Variants in FANCD2 observed in about 807,000 individuals in gnomAD.
The protein encoded by FANCD2 is Fanconi anemia group D2 protein.
Under a neutral mutation model 192.3 loss-of-function variants are expected in FANCD2, and 131 were observed. That is an observed-to-expected ratio of 0.68 (90% CI 0.59 to 0.79). The LOEUF is 0.79. FANCD2 is among the 30% of genes least tolerant of loss of function. FANCD2 has a pLI of 0.00. For missense variants in FANCD2, 1,508 were observed against 1,701.6 expected (o/e 0.89, Z 2.00); for synonymous variants, 524 against 612.5 (o/e 0.86, Z 2.13).
At chr3:10,036,082 A>ATTTTTTTTTTTTTTTTTTTTTTTT (rs781686867) in intron 6 of FANCD2, among the ~76,000 whole-genome samples, 6 of 103,870 alleles carry the variant, frequency 5.8e-5, no homozygotes, top group Admixed American at 8.9e-5. Flanking sequence ...AGAATTATAC[A>ATTTTTTTTTTTTTTTTTTTTTTTT]TTTCTTTTTT....
At chr3:10,083,369 G>A (rs1473034022) in intron 32 of FANCD2, among the ~76,000 whole-genome samples, 1 of 152,204 alleles carries the variant, frequency 6.6e-6, no homozygotes, top group Non-Finnish European at 1.5e-5. Flanking sequence ...AAAGCACAAT[G>A]AGATAGCACA....
intron 32 of FANCD2, 34 bp downstream of exon 32, chr3:10,081,498 A>G: frequency 7.1e-7 from 1 of 1,401,350 alleles, no homozygotes; most frequent in East Asian, 2.3e-5. Context: ...AGAACTGAGT[A>G]TATACTTGCT....
Position 10,065,421 on chromosome 3 carries a change from G to A in FANCD2, c.2196G>A (p.Pro732=), listed in dbSNP as rs200848801. 1.7e-5 allele frequency: 28 copies of A among 1,613,766 alleles called. No individual in the cohort carries two copies. In the East Asian group the frequency reaches 2.0e-4, roughly 12 times the overall value. ...QKLVSPLCLA[P]YFRLLRLCVE... Reference sequence around the variant, plus strand: ...TGGTGTCTCCGCTGTGCCTGGCTCCGTATTTCCGGTTACTGAGACTTTGTG... The same window carrying A: ...TGGTGTCTCCGCTGTGCCTGGCTCCATATTTCCGGTTACTGAGACTTTGTG... Residue 732 remains proline (P), a synonymous_variant, in exon 24 of 44, where the codon CCG becomes CCA. Coordinates refer to ENST00000675286, the MANE Select transcript of FANCD2 (RefSeq NM_001018115.3).
chr3:10,053,795 G>A (rs1384934605), intron 18 of FANCD2, among the ~76,000 whole-genome samples: 1 of 152,140 alleles, frequency 6.6e-6, no homozygotes, highest in Non-Finnish European at 1.5e-5. Context: ...TGTTAGGGTA[G>A]AGATGGGTCT....
intron 2 of FANCD2, among the ~76,000 whole-genome samples, chr3:10,031,347 CA>C (rs1431932639): frequency 1.3e-5 from 2 of 151,834 alleles, no homozygotes; most frequent in Non-Finnish European, 2.9e-5. Context: ...ACTAAAAATA[CA>C]AAAAATTAGC....
intron 32 of FANCD2, among the ~76,000 whole-genome samples, chr3:10,084,269 G>A (rs1405325610): frequency 1.3e-5 from 2 of 149,824 alleles, no homozygotes; most frequent in Non-Finnish European, 3.0e-5. Flanking sequence ...TGGGATTACA[G>A]GTGTGAGCCA....
In FANCD2 at chr3:10,073,342, C is replaced by T. The variant is rs770051715; in HGVS notation, c.2695C>T (p.His899Tyr). The T allele has an allele frequency of 6.2e-7, 1 of 1,612,234 alleles. No individual in the cohort carries two copies. The highest frequency in any genetic ancestry group is 8.5e-7 in the Non-Finnish European group (1 of 1,178,304). ...KNSECDPTPS[H>Y]RGQLNKEFTG... ...TTCAGAATGTGACCCTACGCCATCT[C>T]ATAGAGGCCAGCTAAACAAGGTATT... is the stretch of plus-strand genomic sequence containing the variant. The change falls in exon 28 of 44, where the codon CAT becomes TAT. Residue 899 changes from histidine to tyrosine, a missense_variant. His to Tyr is a moderately conservative substitution (Grantham distance 83). Around this residue, in one of 5 missense-constraint regions of FANCD2, gnomAD observed 796 missense variants for 879.4 expected, o/e 0.91. Transcript: ENST00000675286.
intron 43 of FANCD2, among the ~76,000 whole-genome samples, chr3:10,100,926 G>A (rs549663714): frequency 1.7e-3 from 261 of 152,160 alleles, no homozygotes; most frequent in African/African-American, 5.9e-3. Context: ...AAAATTAGCC[G>A]GGCGTGGTGG....
intron 29 of FANCD2, among the ~76,000 whole-genome samples, chr3:10,076,391 G>C (rs6786638): frequency 0.2 from 29,702 of 151,768 alleles, 3,346 homozygotes; most frequent in African/African-American, 0.31. Context: ...GTATACAGAG[G>C]AATTTATAGA....
chr3:10,044,975 G>A (rs148545750), intron 14 of FANCD2, among the ~76,000 whole-genome samples: 1 of 151,678 alleles, frequency 6.6e-6, no homozygotes, highest in East Asian at 1.9e-4. Flanking sequence ...TTTAATGACT[G>A]TATTCTGGTC....
At position 10,041,922 on chromosome 3, in the gene FANCD2, G is replaced by A. The variant is rs1402749274; in HGVS notation, c.783+212G>A. Among the ~76,000 whole-genome samples the A allele has an allele frequency of 4.2e-5, 6 of 144,490 alleles. 1 individual carries two copies. The South Asian group carries it at 6.5e-4, about 16-fold the overall frequency. The allele number at this position is 144,490 out of a possible 152,430, so 94.8% of individuals were successfully genotyped here. A position where few individuals can be genotyped will look rare whatever the true frequency, so the allele number is the denominator to read the frequency against. ...ACAGGTCTGTTTTTTTTTTTGAGACGGAGTATCACTCTGTCACCCAGGCTG... is the reference window on the plus strand; with the variant it reads ...ACAGGTCTGTTTTTTTTTTTGAGACAGAGTATCACTCTGTCACCCAGGCTG... On this transcript the variant is annotated intron_variant, in intron 10 of 43. Coordinates refer to ENST00000675286, the MANE Select transcript of FANCD2 (RefSeq NM_001018115.3).
intron 26 of FANCD2, among the ~76,000 whole-genome samples, chr3:10,067,600 C>T (rs1314664355): frequency 1.1e-4 from 17 of 152,282 alleles, no homozygotes; most frequent in Middle Eastern, 3.4e-3. Flanking sequence ...GAATTCGAGA[C>T]CAGCCTGGCC....
intron 26 of FANCD2, among the ~76,000 whole-genome samples, chr3:10,071,094 C>G (rs1287600937): frequency 1.4e-5 from 2 of 147,850 alleles, no homozygotes; most frequent in Admixed American, 1.4e-4. Context: ...TGCCAAATCC[C>G]CCTCTGCGAG....
rs146844942 is a variant in FANCD2, at chr3:10,071,851, C to T, written c.2495-1020C>T. Among the ~76,000 whole-genome samples the T allele has an allele frequency of 9.2e-3, 1,400 of 152,304 alleles. 14 individuals carry two copies. The highest frequency in any genetic ancestry group is 0.016 in the Non-Finnish European group (1,108 of 68,020). ...CTCGGCTTACTGCGACCTCTGCCTC[C>T]TGGGTTCAAGCAATTCTCCTGCCTC... On this transcript the variant is annotated intron_variant, in intron 26 of 43. Transcript: ENST00000675286.
chr3:10,101,106 G>T, intron 43 of FANCD2, 82 bp from the exon 44 acceptor site: 3 of 1,020,356 alleles, frequency 2.9e-6, no homozygotes, highest in Non-Finnish European at 4.6e-6. Context: ...TAGTACAGTT[G>T]TGTATCCTCT....
In FANCD2 at chr3:10,032,735, A is replaced by G. The variant is rs1041224242; in HGVS notation, c.65-97A>G. On this transcript the variant is annotated intron_variant, in intron 2 of 43. Transcript: ENST00000675286. ...ATCAATCCTAGTATAATTTTTAAGG[A>G]CACATCAGTTTTCCTCTCATGATTA... is the stretch of plus-strand genomic sequence containing the variant. 1.2e-5 allele frequency: 12 copies of G among 1,030,682 alleles called. No homozygotes were observed. The Admixed American group carries it at 1.7e-4, about 15-fold the overall frequency. 63.8% of individuals were successfully genotyped at this position (1,030,682 alleles called of 1,614,324 possible).
chr3:10,055,109 A>C (rs1397863197), intron 18 of FANCD2, among the ~76,000 whole-genome samples: 1 of 152,162 alleles, frequency 6.6e-6, no homozygotes, highest in Non-Finnish European at 1.5e-5. Context: ...AGATTGCTTC[A>C]AATCAGCAAT....
intron 13 of FANCD2, 80 bp from the exon 14 acceptor site, chr3:10,043,749 T>G (rs1273024294): frequency 7.7e-7 from 1 of 1,303,248 alleles, no homozygotes; most frequent in African/African-American, 1.4e-5. Flanking sequence ...TTAGATGAGA[T>G]AACAGGGCAT....
At chr3:10,070,668 C>A (rs1272591040) in intron 26 of FANCD2, among the ~76,000 whole-genome samples, 1 of 142,784 alleles carries the variant, frequency 7.0e-6, no homozygotes, top group Non-Finnish European at 1.5e-5. Context: ...ATGACAATGG[C>A]GGTTTTGTGG....
Sources: allele counts gnomAD v4.1 joint callset (sites outside exome capture counted in the v4.1 genomes callset), GRCh38; gene constraint gnomAD v4.1.1; regional missense constraint gnomAD v4.1.1; transcripts MANE v1.5; gene names NCBI Gene and HGNC (gene_info 2026-07-23, HGNC 2026-07-21).